EDN1: variants seen among roughly 807,000 people sequenced by gnomAD.
EDN1 encodes the protein endothelin 1, also known as endothelin-1.
In EDN1, 11 loss-of-function variants were observed where a neutral mutation model predicts 21.7. The observed-to-expected ratio is 0.51, with a 90% CI of 0.32 to 0.84. The LOEUF is 0.84. Among genes scored for constraint, EDN1 ranks in the 40% least tolerant of loss-of-function variants. The pLI is 0.03. For synonymous variants in EDN1, 85 were observed against 90.6 expected (o/e 0.94, Z 0.35); for missense variants, 244 against 262.3 (o/e 0.93, Z 0.48).
intron 4 of EDN1, among the ~76,000 whole-genome samples, chr6:12,295,363 TC>T (rs1427421255): frequency 6.6e-6 from 1 of 152,140 alleles, no homozygotes; most frequent in Admixed American, 6.5e-5. Context: ...CCAGTAATGC[TC>T]CCCACGAGAT....
At chr6:12,243,759 G>A in the EDN1 span, among the ~76,000 whole-genome samples, 28 of 152,322 alleles carry the variant, frequency 1.8e-4, no homozygotes, top group African/African-American at 6.7e-4. Context: ...AGAAATTAAT[G>A]TATTTGTCAT....
chr6:12,280,542 C>G, the EDN1 span, among the ~76,000 whole-genome samples: 1 of 152,222 alleles, frequency 6.6e-6, no homozygotes, highest in Non-Finnish European at 1.5e-5. Flanking sequence ...TGCTTTATCT[C>G]TACACAATCT....
chr6:12,248,992 ATCT>A, the EDN1 span, among the ~76,000 whole-genome samples: 1 of 152,228 alleles, frequency 6.6e-6, no homozygotes, highest in Non-Finnish European at 1.5e-5. Flanking sequence ...TGGAGCCATG[ATCT>A]TCTAATTATT....
chr6:12,265,556 A>AC, the EDN1 span, among the ~76,000 whole-genome samples: 1 of 152,184 alleles, frequency 6.6e-6, no homozygotes, highest in Non-Finnish European at 1.5e-5. Flanking sequence ...TCTACAAGCT[A>AC]AGGAAGGAGA....
the EDN1 span, among the ~76,000 whole-genome samples, chr6:12,277,194 G>T: frequency 6.6e-6 from 1 of 152,350 alleles, no homozygotes; most frequent in African/African-American, 2.4e-5. Context: ...CAAGCATGAG[G>T]TTGTTTGAGC....
At chr6:12,265,061 G>C in the EDN1 span, among the ~76,000 whole-genome samples, 1 of 152,168 alleles carries the variant, frequency 6.6e-6, no homozygotes, top group Non-Finnish European at 1.5e-5. Context: ...AAGTGCAAAA[G>C]GATTGCAGAG....
chr6:12,271,940 A>G, the EDN1 span, among the ~76,000 whole-genome samples: 2 of 152,226 alleles, frequency 1.3e-5, no homozygotes, highest in Admixed American at 6.5e-5. Context: ...AGTCTAATAG[A>G]AATTCTTGTG....
chr6:12,237,780 A>G, the EDN1 span, among the ~76,000 whole-genome samples: 1 of 152,228 alleles, frequency 6.6e-6, no homozygotes, highest in African/African-American at 2.4e-5. Flanking sequence ...TCTCTACTAT[A>G]GAAAGTGACT....
the EDN1 span, among the ~76,000 whole-genome samples, chr6:12,271,827 G>A: frequency 0.042 from 6,327 of 152,242 alleles, 169 homozygotes; most frequent in Non-Finnish European, 0.059. Context: ...TCTGAAGATA[G>A]CTTTCCTGAG....
chr6:12,254,049 G>C, the EDN1 span, among the ~76,000 whole-genome samples: 1 of 151,794 alleles, frequency 6.6e-6, no homozygotes, highest in African/African-American at 2.4e-5. Context: ...CTATCCATGG[G>C]GAGCTCCAAA....
the EDN1 span, among the ~76,000 whole-genome samples, chr6:12,258,433 G>A: frequency 2.7e-5 from 3 of 111,730 alleles, no homozygotes; most frequent in African/African-American, 7.8e-5. Context: ...CTGGGTTTCG[G>A]AGTGAGATCA....
At chr6:12,282,579 C>T in the EDN1 span, among the ~76,000 whole-genome samples, 2 of 152,168 alleles carry the variant, frequency 1.3e-5, no homozygotes, top group African/African-American at 2.4e-5. Flanking sequence ...CCTTTCTCCT[C>T]TTCCTCCTCC....
At chr6:12,234,095 C>T in the EDN1 span, among the ~76,000 whole-genome samples, 1 of 152,206 alleles carries the variant, frequency 6.6e-6, no homozygotes, top group Non-Finnish European at 1.5e-5. Flanking sequence ...AGGAAGTTGG[C>T]TCTTGTTAAC....
chr6:12,275,692 G>T, the EDN1 span, among the ~76,000 whole-genome samples: 1 of 152,052 alleles, frequency 6.6e-6, no homozygotes, highest in South Asian at 2.1e-4. Flanking sequence ...AGTTGTAGGG[G>T]ACATTTTATG....
chr6:12,296,113 C>T lies in EDN1; in HGVS notation c.*46C>T. On this transcript the variant is annotated 3_prime_UTR_variant, in exon 5 of 5. Transcript: ENST00000379375. ...GAAGCCATAGCCTCCACGGAGAGCC[C>T]TGTGGCCGACTCTGCACTCTCCACC... 6.5e-7 allele frequency: 1 copy of T among 1,537,738 alleles called. No homozygotes were observed. The highest frequency in any genetic ancestry group is 9.0e-7 in the Non-Finnish European group (1 of 1,111,124).
chr6:12,257,743 A>G, the EDN1 span, among the ~76,000 whole-genome samples: 3 of 152,324 alleles, frequency 2.0e-5, no homozygotes, highest in South Asian at 6.2e-4. Flanking sequence ...GATTGAAGAC[A>G]AACTACACGG....
At chr6:12,237,024 G>A in the EDN1 span, among the ~76,000 whole-genome samples, 1 of 138,548 alleles carries the variant, frequency 7.2e-6, no homozygotes, top group Admixed American at 8.2e-5. Context: ...CCCACCCTGT[G>A]TCCAAGTGTT....
At chr6:12,283,294 G>C in the EDN1 span, among the ~76,000 whole-genome samples, 1 of 152,184 alleles carries the variant, frequency 6.6e-6, no homozygotes, top group Non-Finnish European at 1.5e-5. Flanking sequence ...TACTAAATTA[G>C]AGTTTGAGGG....
the EDN1 span, among the ~76,000 whole-genome samples, chr6:12,238,524 C>T: frequency 6.6e-6 from 1 of 152,168 alleles, no homozygotes; most frequent in African/African-American, 2.4e-5. Flanking sequence ...GTCAGAGAAC[C>T]AGCTGTGAAA....
Sources: allele counts gnomAD v4.1 joint callset (sites outside exome capture counted in the v4.1 genomes callset), GRCh38; gene constraint gnomAD v4.1.1; transcripts MANE v1.5; gene names NCBI Gene and HGNC (gene_info 2026-07-23, HGNC 2026-07-21).